Variants in L3MBTL4 observed in about 807,000 individuals in gnomAD.
The protein encoded by L3MBTL4 is lethal(3)malignant brain tumor-like protein 4.
L3MBTL4 carries 70 observed loss-of-function variants against 84.5 expected under a neutral mutation model. The ratio of observed to expected loss-of-function variants is 0.83; its 90% confidence interval spans 0.68 to 1.01. The LOEUF is 1.01. L3MBTL4 is among the 50% of genes least tolerant of loss of function. The pLI is 0.00. For synonymous variants in L3MBTL4, 274 were observed against 259.8 expected, an observed-to-expected ratio of 1.05 and a Z score of -0.52; for missense variants, 715 against 754.8, an observed-to-expected ratio of 0.95 and a Z score of 0.62.
chr18:6,046,701 A>C, intron 16 of L3MBTL4: 1 of 761,626 alleles, frequency 1.3e-6, no homozygotes. Context: ...AGTCTTTGAA[A>C]TAAATGAAAA....
intron 1 of L3MBTL4, among the ~76,000 whole-genome samples, chr18:6,315,982 G>T (rs1279407574): frequency 1.3e-5 from 2 of 151,554 alleles, no homozygotes; most frequent in Non-Finnish European, 2.9e-5. Context: ...GGTCCAAAGG[G>T]TATCAACAGA....
chr18:6,346,408 T>A (rs1188856523), intron 1 of L3MBTL4, among the ~76,000 whole-genome samples: 1 of 151,872 alleles, frequency 6.6e-6, no homozygotes, highest in Non-Finnish European at 1.5e-5. Flanking sequence ...AGCGATGACC[T>A]ATGAAATGGG....
chr18:6,118,208 A>ACACACACACACACACACACACACACAC (rs2059415716), intron 14 of L3MBTL4, among the ~76,000 whole-genome samples: 53 of 141,830 alleles, frequency 3.7e-4, no homozygotes, highest in East Asian at 2.0e-3. Context: ...AACACACACA[A>ACACACACACACACACACACACACACAC]ACACACACAC....
intron 13 of L3MBTL4, among the ~76,000 whole-genome samples, chr18:6,147,927 T>G (rs1003917726): frequency 1.3e-5 from 2 of 152,162 alleles, no homozygotes; most frequent in South Asian, 2.1e-4. Context: ...AATAAGATAA[T>G]GGGTAATTGG....
chr18:6,015,446 C>T (rs953744621), intron 16 of L3MBTL4, among the ~76,000 whole-genome samples: 4 of 152,026 alleles, frequency 2.6e-5, no homozygotes, highest in Non-Finnish European at 5.9e-5. Context: ...CATCACAATA[C>T]CAAAAATGTG....
At chr18:6,258,066 G>A (rs951156139) in intron 5 of L3MBTL4, among the ~76,000 whole-genome samples, 1 of 152,242 alleles carries the variant, frequency 6.6e-6, no homozygotes, top group African/African-American at 2.4e-5. Flanking sequence ...GGTGCAGGAG[G>A]CTGGAGAGAA....
chr18:6,262,573 G>A (rs1398098862), intron 5 of L3MBTL4, among the ~76,000 whole-genome samples: 1 of 152,128 alleles, frequency 6.6e-6, no homozygotes, highest in Non-Finnish European at 1.5e-5. Context: ...AAAGAATGCA[G>A]GAGGTTCTCA....
At chr18:6,376,575 A>G (rs1378824352) in intron 1 of L3MBTL4, among the ~76,000 whole-genome samples, 1 of 152,058 alleles carries the variant, frequency 6.6e-6, no homozygotes, top group African/African-American at 2.4e-5. Flanking sequence ...TCTGTACAAC[A>G]ACAACAACAA....
chr18:6,244,251 TTA>T (rs1363908314), intron 6 of L3MBTL4, among the ~76,000 whole-genome samples: 1 of 152,192 alleles, frequency 6.6e-6, no homozygotes, highest in East Asian at 1.9e-4. Context: ...TGAAAATTAT[TTA>T]CCAATTAAGT....
At chr18:6,224,091 T>C (rs908307977) in intron 10 of L3MBTL4, among the ~76,000 whole-genome samples, 1 of 151,992 alleles carries the variant, frequency 6.6e-6, no homozygotes, top group Non-Finnish European at 1.5e-5. Context: ...ATAGTACGAA[T>C]ATAATGTTAT....
intron 4 of L3MBTL4, among the ~76,000 whole-genome samples, chr18:6,284,672 T>C (rs2049482113): frequency 6.7e-6 from 1 of 149,880 alleles, no homozygotes; most frequent in Non-Finnish European, 1.5e-5. Context: ...TTCAGGGCAG[T>C]ATCCTATTCT....
At chr18:6,097,681 G>A (rs2058686021) in intron 14 of L3MBTL4, among the ~76,000 whole-genome samples, 1 of 152,190 alleles carries the variant, frequency 6.6e-6, no homozygotes, top group South Asian at 2.1e-4. Context: ...TCTGATGTCT[G>A]TGCAAATGCC....
intron 1 of L3MBTL4, among the ~76,000 whole-genome samples, chr18:6,316,158 C>T (rs1440647692): frequency 6.6e-6 from 1 of 151,502 alleles, no homozygotes; most frequent in Non-Finnish European, 1.5e-5. Flanking sequence ...CTGCCACCCC[C>T]ATCGGAGCTA....
At chr18:6,132,826 T>C (rs2059913053) in intron 14 of L3MBTL4, among the ~76,000 whole-genome samples, 1 of 151,988 alleles carries the variant, frequency 6.6e-6, no homozygotes, top group African/African-American at 2.4e-5. Context: ...CACAGCCTTC[T>C]CAGAATCTAG....
intron 1 of L3MBTL4, among the ~76,000 whole-genome samples, chr18:6,410,167 C>T (rs1279562653): frequency 6.6e-6 from 1 of 152,218 alleles, no homozygotes; most frequent in Non-Finnish European, 1.5e-5. Context: ...GTCTCAGGGC[C>T]GTCTCTCCTT....
intron 16 of L3MBTL4, among the ~76,000 whole-genome samples, chr18:6,022,865 T>C (rs971325323): frequency 6.6e-6 from 1 of 152,196 alleles, no homozygotes; most frequent in African/African-American, 2.4e-5. Context: ...AAGGCAGAGG[T>C]GCTGCTGTTA....
intron 1 of L3MBTL4, among the ~76,000 whole-genome samples, chr18:6,316,554 T>C (rs889693716): frequency 6.6e-6 from 1 of 152,206 alleles, no homozygotes; most frequent in Non-Finnish European, 1.5e-5. Context: ...GAGCTTGATA[T>C]GGGTGTATCT....
chr18:6,290,615 C>T (rs1033449649), intron 4 of L3MBTL4, among the ~76,000 whole-genome samples: 2 of 152,104 alleles, frequency 1.3e-5, no homozygotes, highest in South Asian at 2.1e-4. Context: ...GCAACCTCAA[C>T]CTCCCAGGTT....
intron 4 of L3MBTL4, among the ~76,000 whole-genome samples, chr18:6,299,773 T>C (rs2050254944): frequency 6.6e-6 from 1 of 152,232 alleles, no homozygotes; most frequent in South Asian, 2.1e-4. Context: ...GAGTTCAAGC[T>C]ATCCTCTTGC....
Sources: gnomAD v4.1 joint callset for allele counts (sites outside exome capture counted in the v4.1 genomes callset) on GRCh38, gnomAD v4.1.1 for gene constraint, MANE v1.5 for transcripts, NCBI Gene and HGNC (gene_info 2026-07-23, HGNC 2026-07-21) for gene names.